Variants in NCAM2 observed in about 807,000 individuals in gnomAD.
NCAM2 encodes the protein N-CAM-2.
In NCAM2, 30 loss-of-function variants were observed where a neutral mutation model predicts 98.1. That is an observed-to-expected ratio of 0.31 (90% confidence interval 0.23 to 0.41). The LOEUF (loss-of-function observed/expected upper bound fraction) is 0.41, where lower values mean the gene tolerates loss of function less well. Ranked by LOEUF, NCAM2 falls within the 10% of genes least tolerant of loss-of-function variation. The probability of loss-of-function intolerance (pLI) is 1.00; values close to 1 mark genes in which losing one functional copy is unlikely to be tolerated. For missense variants in NCAM2, 867 were observed against 1,005.8 expected (o/e 0.86, Z 1.87); for synonymous variants, 368 against 342.4 (o/e 1.07, Z -0.83).
intron 14 of NCAM2, among the ~76,000 whole-genome samples, chr21:21,472,833 G>C (rs1984619881): frequency 1.3e-5 from 2 of 151,696 alleles, no homozygotes. Context: ...TTTTAAAAAA[G>C]TTTACCAAGC....
intron 1 of NCAM2, among the ~76,000 whole-genome samples, chr21:21,261,168 G>T (rs2071884657): frequency 6.6e-6 from 1 of 152,012 alleles, no homozygotes; most frequent in African/African-American, 2.4e-5. Context: ...TCCTAGATAT[G>T]TACACACAAC....
chr21:21,030,000 A>G (rs1288610858), intron 1 of NCAM2, among the ~76,000 whole-genome samples: 2 of 152,200 alleles, frequency 1.3e-5, no homozygotes, highest in Admixed American at 6.5e-5. Flanking sequence ...ACTTGATTTA[A>G]TTAAATATGT....
chr21:21,210,617 G>C (rs1344344352), intron 1 of NCAM2: 1 of 1,288,192 alleles, frequency 7.8e-7, no homozygotes, highest in Non-Finnish European at 1.0e-6. Flanking sequence ...AACAGGCAAG[G>C]TCTCTTTGTT....
At chr21:21,339,701 C>T (rs2074972932) in intron 8 of NCAM2, among the ~76,000 whole-genome samples, 1 of 151,592 alleles carries the variant, frequency 6.6e-6, no homozygotes, top group Non-Finnish European at 1.5e-5. Context: ...AATGTTTGTC[C>T]ATAGTACACT....
intron 1 of NCAM2, among the ~76,000 whole-genome samples, chr21:21,029,594 T>C (rs2064629783): frequency 6.6e-6 from 1 of 152,144 alleles, no homozygotes; most frequent in Non-Finnish European, 1.5e-5. Context: ...AAACTTAACC[T>C]TTGCTGAGCA....
chr21:21,397,386 G>A (rs2076533191), intron 9 of NCAM2, among the ~76,000 whole-genome samples: 2 of 152,168 alleles, frequency 1.3e-5, no homozygotes, highest in African/African-American at 4.8e-5. Context: ...TCATGCCAAG[G>A]GGTGCCTATA....
intron 1 of NCAM2, among the ~76,000 whole-genome samples, chr21:21,246,111 G>C (rs1395735370): frequency 3.3e-5 from 5 of 152,100 alleles, no homozygotes; most frequent in Non-Finnish European, 5.9e-5. Context: ...TTCCTCCCTT[G>C]CTGTCTCTTG....
intron 11 of NCAM2, among the ~76,000 whole-genome samples, chr21:21,422,116 CAG>C (rs1437350926): frequency 6.6e-6 from 1 of 152,036 alleles, no homozygotes; most frequent in Non-Finnish European, 1.5e-5. Flanking sequence ...TGTTGGGATC[CAG>C]AGAGGGTAAA....
intron 1 of NCAM2, among the ~76,000 whole-genome samples, chr21:21,017,718 T>C (rs1044479337): frequency 2.0e-5 from 3 of 152,122 alleles, no homozygotes; most frequent in Non-Finnish European, 4.4e-5. Context: ...CGCTCCATAA[T>C]TTCTTTTTAG....
intron 15 of NCAM2, among the ~76,000 whole-genome samples, chr21:21,497,580 T>G (rs995031303): frequency 4.6e-5 from 7 of 152,070 alleles, no homozygotes; most frequent in Non-Finnish European, 7.4e-5. Context: ...TGAAGGAAAA[T>G]TTTGGATTGC....
At chr21:21,074,210 T>C (rs2065631154) in intron 1 of NCAM2, among the ~76,000 whole-genome samples, 1 of 152,058 alleles carries the variant, frequency 6.6e-6, no homozygotes, top group South Asian at 2.1e-4. Context: ...AGAATTGTAA[T>C]TTAATATCAA....
At chr21:21,064,537 G>T (rs2065391891) in intron 1 of NCAM2, among the ~76,000 whole-genome samples, 1 of 152,146 alleles carries the variant, frequency 6.6e-6, no homozygotes, top group African/African-American at 2.4e-5. Context: ...CCACCTGCAG[G>T]TGGTCACCAG....
At chr21:21,131,647 GAAT>G (rs2066938678) in intron 1 of NCAM2, among the ~76,000 whole-genome samples, 1 of 152,220 alleles carries the variant, frequency 6.6e-6, no homozygotes, top group East Asian at 1.9e-4. Context: ...CATGTGTGTA[GAAT>G]AATATTGTAT....
chr21:21,419,068 C>A (rs535784536), intron 11 of NCAM2, among the ~76,000 whole-genome samples: 4 of 152,180 alleles, frequency 2.6e-5, no homozygotes, highest in South Asian at 2.1e-4. Context: ...AAAATATGAA[C>A]TTCCAAAAAG....
intron 8 of NCAM2, among the ~76,000 whole-genome samples, chr21:21,371,711 C>T (rs1438622873): frequency 6.6e-6 from 1 of 151,824 alleles, no homozygotes; most frequent in Non-Finnish European, 1.5e-5. Flanking sequence ...TATAGTTTGC[C>T]TACCTGGTGC....
chr21:21,340,336 G>A (rs2074990407), intron 8 of NCAM2, among the ~76,000 whole-genome samples: 1 of 151,864 alleles, frequency 6.6e-6, no homozygotes, highest in African/African-American at 2.4e-5. Flanking sequence ...GAGAATGAAA[G>A]ATAAATTATA....
At chr21:21,056,853 A>G (rs2065223166) in intron 1 of NCAM2, among the ~76,000 whole-genome samples, 1 of 152,088 alleles carries the variant, frequency 6.6e-6, no homozygotes, top group South Asian at 2.1e-4. Context: ...CTCTTTCATA[A>G]TTGGAGCGAG....
At chr21:21,319,657 T>C (rs2074321713) in intron 5 of NCAM2, among the ~76,000 whole-genome samples, 1 of 151,618 alleles carries the variant, frequency 6.6e-6, no homozygotes, top group South Asian at 2.1e-4. Flanking sequence ...AAATAAACAA[T>C]AATAACTAAC....
At chr21:21,437,517 T>A (rs1978562390) in intron 12 of NCAM2, among the ~76,000 whole-genome samples, 1 of 149,482 alleles carries the variant, frequency 6.7e-6, no homozygotes, top group African/African-American at 2.5e-5. Flanking sequence ...GCACACCCTT[T>A]TATTTCATTC....
Sources: allele counts gnomAD v4.1 joint callset (sites outside exome capture counted in the v4.1 genomes callset), GRCh38; gene constraint gnomAD v4.1.1; transcripts MANE v1.5; gene names NCBI Gene and HGNC (gene_info 2026-07-23, HGNC 2026-07-21).